CREB5: variants seen among roughly 807,000 people sequenced by gnomAD.
CREB5 encodes cAMP responsive element binding protein 5.
Under a neutral mutation model 57.1 loss-of-function variants are expected in CREB5, and 19 were observed. That is an observed-to-expected ratio of 0.33 (90% confidence interval 0.23 to 0.49). The LOEUF (loss-of-function observed/expected upper bound fraction) is 0.49. Ranked by LOEUF, CREB5 falls within the 20% of genes least tolerant of loss-of-function variation. The pLI is 0.99. For synonymous variants in CREB5, 238 were observed against 238.3 expected, an observed-to-expected ratio of 1.00 and a Z score of 0.01; for missense variants, 579 against 671.6, an observed-to-expected ratio of 0.86 and a Z score of 1.52.
At chr7:28,490,873 T>C (rs1231913517) in intron 2 of CREB5, among the ~76,000 whole-genome samples, 1 of 151,436 alleles carries the variant, frequency 6.6e-6, no homozygotes, top group African/African-American at 2.4e-5. Flanking sequence ...TCCCAAACTA[T>C]TTTATGTATT....
chr7:28,415,614 T>C (rs42714), intron 1 of CREB5, among the ~76,000 whole-genome samples: 141,170 of 152,062 alleles, frequency 0.93, 65,620 homozygotes, highest in East Asian at 0.99. Flanking sequence ...ACTTAAATTC[T>C]CCTTTTTTCA....
intron 1 of CREB5, among the ~76,000 whole-genome samples, chr7:28,471,808 GCC>G (rs1294793897): frequency 2.6e-5 from 4 of 151,824 alleles, no homozygotes; most frequent in African/African-American, 9.7e-5. Context: ...CTTGAACAGA[GCC>G]AATCAATGTT....
chr7:28,314,103 CTA>C (rs1334290094), intron 1 of CREB5, among the ~76,000 whole-genome samples: 3 of 152,110 alleles, frequency 2.0e-5, no homozygotes. Context: ...GGAAACATAT[CTA>C]TGTTTCCAAG....
At chr7:28,813,284 C>CTA (rs1250821158) in intron 9 of CREB5, among the ~76,000 whole-genome samples, 1 of 152,162 alleles carries the variant, frequency 6.6e-6, no homozygotes, top group Non-Finnish European at 1.5e-5. Context: ...TACCAAGGGA[C>CTA]TAAGATCAGC....
intron 4 of CREB5, among the ~76,000 whole-genome samples, chr7:28,526,793 G>A (rs1793468189): frequency 6.6e-6 from 1 of 152,210 alleles, no homozygotes; most frequent in Non-Finnish European, 1.5e-5. Flanking sequence ...ATAGGGGTCT[G>A]TGCACAGGCC....
intron 1 of CREB5, among the ~76,000 whole-genome samples, chr7:28,355,244 A>T (rs976053165): frequency 6.6e-6 from 1 of 152,206 alleles, no homozygotes; most frequent in Non-Finnish European, 1.5e-5. Context: ...CTTTGGGATG[A>T]AAGCGTGCAT....
chr7:28,743,501 C>G (rs1320491961), intron 7 of CREB5, among the ~76,000 whole-genome samples: 1 of 152,262 alleles, frequency 6.6e-6, no homozygotes, highest in Non-Finnish European at 1.5e-5. Context: ...CCACTACACT[C>G]TAGCTTGGCA....
At chr7:28,734,318 T>C (rs1226453295) in intron 7 of CREB5, among the ~76,000 whole-genome samples, 1 of 151,554 alleles carries the variant, frequency 6.6e-6, no homozygotes, top group African/African-American at 2.4e-5. Context: ...CTTCAATACA[T>C]AGAGGCAAAG....
At chr7:28,413,308 TA>T (rs531490106) in intron 1 of CREB5, among the ~76,000 whole-genome samples, 4 of 150,744 alleles carry the variant, frequency 2.7e-5, no homozygotes, top group South Asian at 2.1e-4. Context: ...ACCTAAAAAT[TA>T]AAAAAAAACA....
At chr7:28,337,334 T>C (rs1208560543) in intron 1 of CREB5, among the ~76,000 whole-genome samples, 1 of 152,118 alleles carries the variant, frequency 6.6e-6, no homozygotes, top group Admixed American at 6.5e-5. Context: ...TCTGTCTCTC[T>C]CTTTAGCTCT....
chr7:28,581,537 C>A (rs748496565), intron 5 of CREB5, among the ~76,000 whole-genome samples: 11 of 152,222 alleles, frequency 7.2e-5, no homozygotes, highest in Non-Finnish European at 1.3e-4. Context: ...GAATCACAAA[C>A]GCCCTCAAGT....
At chr7:28,372,463 G>A (rs958540757) in intron 1 of CREB5, among the ~76,000 whole-genome samples, 3 of 152,150 alleles carry the variant, frequency 2.0e-5, no homozygotes, top group Non-Finnish European at 2.9e-5. Flanking sequence ...GCAAAATAAA[G>A]CTCAGCAATA....
At chr7:28,637,193 A>G (rs1798456656) in intron 5 of CREB5, among the ~76,000 whole-genome samples, 1 of 152,120 alleles carries the variant, frequency 6.6e-6, no homozygotes. Flanking sequence ...AAAGGAAAAG[A>G]AAAGAAAATT....
chr7:28,687,118 G>T (rs1164077811), intron 5 of CREB5, among the ~76,000 whole-genome samples: 1 of 152,140 alleles, frequency 6.6e-6, no homozygotes, highest in African/African-American at 2.4e-5. Flanking sequence ...AGTAATAGAT[G>T]ATGATCCTCA....
rs900729462 is a variant in CREB5 at position 28,731,496 on chromosome 7, C to T, written c.702+7164C>T. Among the ~76,000 whole-genome samples, 6 of 152,128 alleles carry T rather than the reference C, an allele frequency of 3.9e-5. No homozygotes were observed. The East Asian group carries it at 5.8e-4, about 15-fold the overall frequency. On this transcript the variant is annotated intron_variant, in intron 7 of 10. Transcript: ENST00000357727. Reference sequence around the variant, plus strand: ...CAAATTCCAAAACAGGAAGGGAGTTCGGGGATTCTTTTGGCAAAATCGTTT... The same window carrying T: ...CAAATTCCAAAACAGGAAGGGAGTTTGGGGATTCTTTTGGCAAAATCGTTT...
At chr7:28,800,681 C>G (rs973640527) in intron 7 of CREB5, among the ~76,000 whole-genome samples, 1 of 152,206 alleles carries the variant, frequency 6.6e-6, no homozygotes. Flanking sequence ...AAATTCTTTA[C>G]CATCCACTCT....
chr7:28,767,735 G>T (rs1806083455), intron 7 of CREB5, among the ~76,000 whole-genome samples: 1 of 152,166 alleles, frequency 6.6e-6, no homozygotes, highest in Non-Finnish European at 1.5e-5. Context: ...TTACTAAGTT[G>T]CATCGCATCT....
intron 7 of CREB5, among the ~76,000 whole-genome samples, chr7:28,725,658 A>AG (rs1803294829): frequency 1.3e-5 from 2 of 151,206 alleles, no homozygotes. Context: ...AAAAAAAAAA[A>AG]AAAAGAAAGA....
At chr7:28,306,113 C>T (rs1390952675) in intron 1 of CREB5, among the ~76,000 whole-genome samples, 6 of 152,146 alleles carry the variant, frequency 3.9e-5, no homozygotes, top group African/African-American at 1.4e-4. Flanking sequence ...GAAAGCCAGA[C>T]TCTTTCCTGT....
Sources: gnomAD v4.1 joint callset for allele counts (sites outside exome capture counted in the v4.1 genomes callset) on GRCh38, gnomAD v4.1.1 for gene constraint, MANE v1.5 for transcripts, NCBI Gene and HGNC (gene_info 2026-07-23, HGNC 2026-07-21) for gene names.